The following CILK1 variants were observed in gnomAD, a reference collection of about 807,000 sequenced individuals.
The protein encoded by CILK1 is ciliogenesis associated kinase 1.
In CILK1, 47 loss-of-function variants were observed where a neutral mutation model predicts 79.2. That is an observed-to-expected ratio of 0.59 (90% confidence interval 0.47 to 0.76). CILK1 has a LOEUF of 0.76. CILK1 is among the 30% of genes least tolerant of loss of function. The pLI, the probability that CILK1 is intolerant of heterozygous loss-of-function variation, is 0.00. For synonymous variants in CILK1, 266 were observed against 275.9 expected (o/e 0.96, Z 0.36); for missense variants, 660 against 769.5 (o/e 0.86, Z 1.68).
At chr6:53,048,502 T>C (rs1161985112) in intron 1 of CILK1, among the ~76,000 whole-genome samples, 1 of 152,250 alleles carries the variant, frequency 6.6e-6, no homozygotes, top group Non-Finnish European at 1.5e-5. Context: ...AATCTGAGCA[T>C]ATCCTAGCAG....
chr6:53,041,025 T>C, intron 2 of CILK1, 111 bp downstream of exon 2: 1 of 780,082 alleles, frequency 1.3e-6, no homozygotes, highest in Non-Finnish European at 2.3e-6. Flanking sequence ...GCAATCATTA[T>C]CTAAGGTTCT....
Position 53,027,450 on chromosome 6 carries a change from C to T in CILK1, c.358+3615G>A, listed in dbSNP as rs566547866. Among the ~76,000 whole-genome samples the T allele has an allele frequency of 9.2e-5, 14 of 152,316 alleles. No homozygotes were observed. The South Asian group carries it at 2.7e-3, about 29-fold the overall frequency. ...TCCCTGTAGGAAGGAAATAGTGACA[C>T]GAAGTATGGCCGTACTAACTACCTG... is the stretch of plus-strand genomic sequence containing the variant. On this transcript the variant is annotated intron_variant, in intron 5 of 13. Coordinates refer to ENST00000676107, the MANE Select transcript of CILK1 (RefSeq NM_014920.5).
At position 53,012,183 on chromosome 6, in the gene CILK1, T is replaced by C. The variant is rs575793151; in HGVS notation, c.1197A>G (p.Pro399=). ...GLEHKNGEIK[P]KSRRRWGLIS... ...TAAGACCCCACCTTCTCCTACTCTT[T>C]GGCTTTATCTCACCATTTTTGTGCT... The change falls in exon 10 of 14, where the codon CCA becomes CCG. Residue 399 remains proline (P), a synonymous_variant. Coordinates refer to ENST00000676107, the MANE Select transcript of CILK1 (RefSeq NM_014920.5). 5 of 1,614,192 alleles carry C rather than the reference T, an allele frequency of 3.1e-6. No individual in the cohort carries two copies. Among genetic ancestry groups the C allele is most frequent in the African/African-American group, 2.7e-5 (2 of 75,042 alleles).
At chr6:53,011,695 C>T (rs547162669) in intron 11 of CILK1, 74 bp downstream of exon 11, 2 of 1,418,412 alleles carry the variant, frequency 1.4e-6, no homozygotes, top group African/African-American at 1.4e-5. Flanking sequence ...TAAAACAGAA[C>T]CTTTGTGAAT....
At chr6:53,034,483 G>C (rs1766178401) in intron 3 of CILK1, among the ~76,000 whole-genome samples, 1 of 152,226 alleles carries the variant, frequency 6.6e-6, no homozygotes, top group African/African-American at 2.4e-5. Flanking sequence ...AGGCAGGTCA[G>C]TTGTGTCAGA....
chr6:53,011,287 A>C, intron 11 of CILK1, among the ~76,000 whole-genome samples: 1 of 152,060 alleles, frequency 6.6e-6, no homozygotes, highest in Non-Finnish European at 1.5e-5. Flanking sequence ...ATCTTGGGTG[A>C]CTATAAAAGA....
chr6:53,023,067 A>C (rs1270934824), intron 5 of CILK1, among the ~76,000 whole-genome samples: 1 of 151,656 alleles, frequency 6.6e-6, no homozygotes, highest in African/African-American at 2.4e-5. Flanking sequence ...CTGAGTAGCT[A>C]GGACTACAGG....
At chr6:53,043,241 G>C (rs542511198) in intron 1 of CILK1, among the ~76,000 whole-genome samples, 1 of 151,922 alleles carries the variant, frequency 6.6e-6, no homozygotes, top group Non-Finnish European at 1.5e-5. Context: ...GCTTGAACCC[G>C]GGAGGCACAG....
At chr6:53,016,322 T>G (rs1237204696) in intron 7 of CILK1, 72 bp from the exon 8 acceptor site, 4 of 1,507,412 alleles carry the variant, frequency 2.7e-6, no homozygotes, top group Non-Finnish European at 3.7e-6. Context: ...CTGGCATGTG[T>G]GCCCCAAATG....
rs1323116429 is a variant in CILK1 at position 53,041,004 on chromosome 6, T to A, written c.101+132A>T. ...ATGAGTGTTACAGAGTCAATAATCA[T>A]CTAACCCACAGCAATCATTATCTAA... is the stretch of plus-strand genomic sequence containing the variant. On this transcript the variant is annotated intron_variant, in intron 2 of 13. Coordinates refer to ENST00000676107, the MANE Select transcript of CILK1 (RefSeq NM_014920.5). 6.8e-6 allele frequency: 5 copies of A among 733,696 alleles called. No homozygotes were observed. In the East Asian group the frequency reaches 1.3e-4, roughly 19 times the overall value. The allele number at this position is 733,696 out of a possible 1,614,324, so 45.4% of individuals were successfully genotyped here. A position where few individuals can be genotyped will look rare whatever the true frequency, so the allele number is the denominator to read the frequency against.
intron 7 of CILK1, 68 bp from the exon 8 acceptor site, chr6:53,016,318 T>C (rs766525977): frequency 4.8e-5 from 74 of 1,532,282 alleles, no homozygotes; most frequent in Non-Finnish European, 6.1e-5. Context: ...TATTCTGGCA[T>C]GTGTGCCCCA....
chr6:53,013,546 C>A, intron 9 of CILK1, 116 bp downstream of exon 9: 1 of 991,530 alleles, frequency 1.0e-6, no homozygotes, highest in South Asian at 1.4e-5. Context: ...CTGTTGCAAA[C>A]ATAAATCTAC....
intron 9 of CILK1, 77 bp from the exon 10 acceptor site, chr6:53,012,304 CT>C: frequency 7.3e-7 from 1 of 1,370,434 alleles, no homozygotes; most frequent in East Asian, 2.3e-5. Context: ...TCCATCTGAA[CT>C]TTCTCTGCTA....
At chr6:53,005,442 C>G in intron 13 of CILK1, 139 bp from the exon 14 acceptor site, 1 of 940,294 alleles carries the variant, frequency 1.1e-6, no homozygotes, top group Non-Finnish European at 1.7e-6. Flanking sequence ...ATAATCTTCT[C>G]TACTGCAGTT....
At chr6:53,008,927 C>A (rs1764399073) in intron 12 of CILK1, among the ~76,000 whole-genome samples, 1 of 152,198 alleles carries the variant, frequency 6.6e-6, no homozygotes, top group Admixed American at 6.5e-5. Context: ...CTACTGTGAA[C>A]AGGGTTTGTC....
At chr6:53,024,282 G>A (rs1765430521) in intron 5 of CILK1, among the ~76,000 whole-genome samples, 1 of 152,094 alleles carries the variant, frequency 6.6e-6, no homozygotes, top group Non-Finnish European at 1.5e-5. Flanking sequence ...CCAAACTTGA[G>A]GTTGTCAACT....
intron 2 of CILK1, among the ~76,000 whole-genome samples, chr6:53,040,292 A>G (rs1322131597): frequency 1.3e-5 from 2 of 152,242 alleles, no homozygotes; most frequent in Non-Finnish European, 2.9e-5. Flanking sequence ...TCTGTGATTA[A>G]TTTACAAAAG....
intron 5 of CILK1, among the ~76,000 whole-genome samples, chr6:53,024,314 A>C (rs140063524): frequency 6.6e-6 from 1 of 152,366 alleles, no homozygotes; most frequent in Non-Finnish European, 1.5e-5. Flanking sequence ...AAGAGCATTC[A>C]GTATCAGTCA....
intron 8 of CILK1, among the ~76,000 whole-genome samples, chr6:53,014,739 T>C (rs34180169): frequency 0.072 from 10,894 of 152,278 alleles, 473 homozygotes; most frequent in Non-Finnish European, 0.093. Flanking sequence ...TCCCAGACTC[T>C]AGCATCTATT....
Sources: allele counts gnomAD v4.1 joint callset (sites outside exome capture counted in the v4.1 genomes callset), GRCh38; gene constraint gnomAD v4.1.1; transcripts MANE v1.5; gene names NCBI Gene and HGNC (gene_info 2026-07-23, HGNC 2026-07-21).